The following CACNA1D variants were observed in gnomAD, a reference collection of about 807,000 sequenced individuals.
CACNA1D encodes the protein calcium voltage-gated channel subunit alpha1 D.
Under a neutral mutation model 257.1 loss-of-function variants are expected in CACNA1D, and 55 were observed. That is an observed-to-expected ratio of 0.21 (90% confidence interval 0.17 to 0.27). The LOEUF is 0.27. Ranked by LOEUF, CACNA1D falls within the 10% of genes least tolerant of loss-of-function variation. CACNA1D has a pLI of 1.00. For synonymous variants in CACNA1D, 980 were observed against 1,014.9 expected (o/e 0.97, Z 0.65); for missense variants, 1,876 against 2,784.0 (o/e 0.67, Z 7.34).
intron 3 of CACNA1D, among the ~76,000 whole-genome samples, chr3:53,603,652 A>G (rs976089583): frequency 5.9e-5 from 9 of 152,206 alleles, no homozygotes; most frequent in Admixed American, 1.3e-4. Context: ...GCTATAGTTT[A>G]TAATCCCACT....
chr3:53,574,261 G>A, intron 3 of CACNA1D, among the ~76,000 whole-genome samples: 1 of 152,160 alleles, frequency 6.6e-6, no homozygotes, highest in Non-Finnish European at 1.5e-5. Context: ...CCTCTGCACT[G>A]GAGGAAGCAC....
At chr3:53,766,594 G>A (rs934842931) in intron 30 of CACNA1D, among the ~76,000 whole-genome samples, 7 of 152,198 alleles carry the variant, frequency 4.6e-5, no homozygotes, top group African/African-American at 1.4e-4. Flanking sequence ...TGACTTCCAC[G>A]GTTGCAGGGG....
In CACNA1D at chr3:53,811,080, C is replaced by T; in HGVS notation, c.6193-33C>T. On this transcript the variant is annotated intron_variant, in intron 47 of 47. Coordinates refer to ENST00000350061, the MANE Select transcript of CACNA1D (RefSeq NM_001128840.3). This position sits in a 1 kb window ranked among gnomAD's most constrained non-coding sequence, Gnocchi z 4.2. ...CCCTGCCCTGCAAAGCCTTATAACACCCCCATGCCATCCATCCCTCTTTTC... is the reference window on the plus strand; with the variant it reads ...CCCTGCCCTGCAAAGCCTTATAACATCCCCATGCCATCCATCCCTCTTTTC... 2 of 1,586,764 alleles carry T rather than the reference C, an allele frequency of 1.3e-6. No individual in the cohort carries two copies. The highest frequency in any genetic ancestry group is 1.7e-6 in the Non-Finnish European group (2 of 1,155,400).
intron 3 of CACNA1D, among the ~76,000 whole-genome samples, chr3:53,609,428 A>C (rs1576074619): frequency 1.3e-5 from 2 of 151,908 alleles, no homozygotes; most frequent in East Asian, 1.9e-4. Context: ...AAAAAAAAAA[A>C]AAAAACTTCA....
At chr3:53,617,203 C>A (rs1559922747) in intron 3 of CACNA1D, among the ~76,000 whole-genome samples, 1 of 152,180 alleles carries the variant, frequency 6.6e-6, no homozygotes, top group Non-Finnish European at 1.5e-5. Context: ...GCTCCCATAC[C>A]TCTGTGTAGG....
intron 3 of CACNA1D, among the ~76,000 whole-genome samples, chr3:53,517,807 C>T (rs112886145): frequency 3.9e-5 from 6 of 152,290 alleles, no homozygotes; most frequent in African/African-American, 1.2e-4. Flanking sequence ...CAAAGGCCAG[C>T]TTCCTGACTG....
chr3:53,591,128 C>T (rs139024488), intron 3 of CACNA1D, among the ~76,000 whole-genome samples: 26 of 152,292 alleles, frequency 1.7e-4, no homozygotes, highest in African/African-American at 6.0e-4. Flanking sequence ...TCACTGTTGG[C>T]GCTTTCACAT....
At chr3:53,523,429 G>C (rs1321118090) in intron 3 of CACNA1D, among the ~76,000 whole-genome samples, 1 of 152,208 alleles carries the variant, frequency 6.6e-6, no homozygotes, top group Admixed American at 6.5e-5. Context: ...GGATATTATA[G>C]ACCAGAAATG....
At chr3:53,538,323 A>C (rs932879792) in intron 3 of CACNA1D, among the ~76,000 whole-genome samples, 1 of 151,470 alleles carries the variant, frequency 6.6e-6, no homozygotes, top group East Asian at 1.9e-4. Flanking sequence ...TGTCTGGCTA[A>C]TTTTTGTATT....
At chr3:53,509,376 G>A (rs1472770849) in intron 3 of CACNA1D, among the ~76,000 whole-genome samples, 1 of 152,098 alleles carries the variant, frequency 6.6e-6, no homozygotes, top group East Asian at 1.9e-4. Context: ...GTTGACACAG[G>A]CCTTGCAGGA....
chr3:53,611,916 A>C (rs1443838126), intron 3 of CACNA1D, among the ~76,000 whole-genome samples: 1 of 152,258 alleles, frequency 6.6e-6, no homozygotes, highest in Non-Finnish European at 1.5e-5. Context: ...TGAGTGTGCC[A>C]GTAAAACTTT....
chr3:53,544,068 A>G (rs2092360449), intron 3 of CACNA1D, among the ~76,000 whole-genome samples: 3 of 152,128 alleles, frequency 2.0e-5, no homozygotes, highest in Admixed American at 2.0e-4. Context: ...TTGCTAATTC[A>G]TTAAAGACCT....
chr3:53,570,242 G>T (rs896010819), intron 3 of CACNA1D, among the ~76,000 whole-genome samples: 1 of 152,210 alleles, frequency 6.6e-6, no homozygotes, highest in African/African-American at 2.4e-5. Context: ...CTTAACGACA[G>T]TGCTTAGGAA....
intron 10 of CACNA1D, among the ~76,000 whole-genome samples, chr3:53,719,217 G>T (rs2094855880): frequency 6.6e-6 from 1 of 152,204 alleles, no homozygotes; most frequent in Admixed American, 6.5e-5. Context: ...TGTGTTATGG[G>T]CAGAATATGC....
Position 53,601,899 on chromosome 3 carries a change from C to T in CACNA1D, c.484-48880C>T, listed in dbSNP as rs111797725. Among the ~76,000 whole-genome samples the T allele has an allele frequency of 3.8e-3, 583 of 152,114 alleles. 4 individuals are homozygous for T. The highest frequency in any genetic ancestry group is 0.017 in the Middle Eastern group (5 of 294). ...CTAGTTTTTGTATTTTTAGTAGGGA[C>T]GGGGTTTCACCAGGTTGGCCAGGCT... On this transcript the variant is annotated intron_variant, in intron 3 of 47. Transcript: ENST00000350061.
rs189257305 is a variant in CACNA1D at position 53,526,176 on chromosome 3, C to T, written c.483+24456C>T. Among the ~76,000 whole-genome samples the T allele has an allele frequency of 2.2e-4, 33 of 152,344 alleles. No individual in the cohort carries two copies. In the East Asian group the frequency reaches 5.4e-3, roughly 25 times the overall value. On this transcript the variant is annotated intron_variant, in intron 3 of 47. Coordinates refer to ENST00000350061, the MANE Select transcript of CACNA1D (RefSeq NM_001128840.3). Reference sequence around the variant, plus strand: ...CCGGAACCAGTTGCAAGGCCAGGGACGTGTGCAGCACTGCTGACGTGGGGC... The same window carrying T: ...CCGGAACCAGTTGCAAGGCCAGGGATGTGTGCAGCACTGCTGACGTGGGGC...
At chr3:53,730,345 C>A in intron 15 of CACNA1D, 97 bp from the exon 16 acceptor site, 1 of 811,680 alleles carries the variant, frequency 1.2e-6, no homozygotes, top group Non-Finnish European at 2.2e-6. Flanking sequence ...TCACTTACTA[C>A]CAGCTTCCCG....
rs1553682602 is a variant in CACNA1D at position 53,787,453 on chromosome 3, GTA to G, written c.4923+503_4923+504del. Among the ~76,000 whole-genome samples, 68 of 148,386 alleles carry G rather than the reference GTA, an allele frequency of 4.6e-4. 1 individual carries two copies. The highest frequency in any genetic ancestry group is 1.4e-3 in the African/African-American group (56 of 40,716). ...TGTGTGTGTGTGTGTGTGTGTGTGTGTATGTATGTATGTGTGGTGTGTCTGTC... is the reference window on the plus strand; with the variant it reads ...TGTGTGTGTGTGTGTGTGTGTGTGTGTGTATGTATGTGTGGTGTGTCTGTC... On this transcript the variant is annotated intron_variant, in intron 40 of 47. Coordinates refer to ENST00000350061, the MANE Select transcript of CACNA1D (RefSeq NM_001128840.3).
At chr3:53,595,164 A>G (rs535472589) in intron 3 of CACNA1D, among the ~76,000 whole-genome samples, 9 of 152,374 alleles carry the variant, frequency 5.9e-5, no homozygotes, top group African/African-American at 2.2e-4. Context: ...ACAGCTGTGT[A>G]GTAAGGAGTA....
Sources: gnomAD v4.1 joint callset for allele counts (sites outside exome capture counted in the v4.1 genomes callset) on GRCh38, gnomAD v4.1.1 for gene constraint, Gnocchi (gnomAD v3.1) non-coding constraint, MANE v1.5 for transcripts, NCBI Gene and HGNC (gene_info 2026-07-23, HGNC 2026-07-21) for gene names.